Variants in SYT2 observed in about 807,000 individuals in gnomAD.
SYT2 encodes the protein synaptotagmin-2.
SYT2 carries 15 observed loss-of-function variants against 39.9 expected under a neutral mutation model. The observed-to-expected ratio is 0.38, with a 90% CI of 0.25 to 0.58. The LOEUF is 0.58. SYT2 is among the 20% of genes least tolerant of loss of function. The pLI is 0.70. For synonymous variants in SYT2, 181 were observed against 204.5 expected (o/e 0.89, Z 0.98); for missense variants, 389 against 530.3 (o/e 0.73, Z 2.62).
intron 1 of SYT2, among the ~76,000 whole-genome samples, chr1:202,615,452 A>T (rs1375530547): frequency 6.6e-6 from 1 of 152,072 alleles, no homozygotes; most frequent in Admixed American, 6.5e-5. Flanking sequence ...CTGCAAACTC[A>T]TCAACCACCC....
At chr1:202,707,631 C>T (rs1439128946) in intron 1 of SYT2, among the ~76,000 whole-genome samples, 1 of 152,212 alleles carries the variant, frequency 6.6e-6, no homozygotes, top group Non-Finnish European at 1.5e-5. Context: ...TGAAGCCCAA[C>T]CTCCTCCCAC....
chr1:202,667,651 G>C (rs1367061774), intron 1 of SYT2, among the ~76,000 whole-genome samples: 2 of 152,120 alleles, frequency 1.3e-5, no homozygotes, highest in Admixed American at 1.3e-4. Context: ...AGTCCCATGA[G>C]AGTAATGGAC....
chr1:202,611,973 C>A (rs1459075066), intron 1 of SYT2, among the ~76,000 whole-genome samples: 1 of 152,012 alleles, frequency 6.6e-6, no homozygotes, highest in African/African-American at 2.4e-5. Flanking sequence ...GCCTCAGCCT[C>A]CCGAGTAGCT....
chr1:202,671,497 T>C lies in SYT2; in HGVS notation c.-18+38761A>G, dbSNP rs143247972. ...TGTCAAAGACAAGCTAGTGAGGAAA[T>C]GCTGGGCCCAAATCTAGAAGACAAC... On this transcript the variant is annotated intron_variant, in intron 1 of 8. Transcript: ENST00000367268. Among the ~76,000 whole-genome samples the C allele has an allele frequency of 3.2e-3, 489 of 152,296 alleles. 3 individuals carry two copies. The highest frequency in any genetic ancestry group is 0.011 in the African/African-American group (455 of 41,550).
chr1:202,707,432 T>C (rs1001443972), intron 1 of SYT2, among the ~76,000 whole-genome samples: 4 of 152,056 alleles, frequency 2.6e-5, no homozygotes, highest in Non-Finnish European at 4.4e-5. Flanking sequence ...TTAAAGAGTA[T>C]CCCCACCACC....
intron 1 of SYT2, among the ~76,000 whole-genome samples, chr1:202,707,815 G>C (rs947062135): frequency 6.6e-6 from 1 of 152,202 alleles, no homozygotes; most frequent in Admixed American, 6.5e-5. Context: ...CTTGCCTAGG[G>C]GCTGGGGAAC....
chr1:202,619,161 C>T (rs944173068), intron 1 of SYT2, among the ~76,000 whole-genome samples: 7 of 152,196 alleles, frequency 4.6e-5, no homozygotes, highest in Non-Finnish European at 8.8e-5. Context: ...GCCAAATTAT[C>T]GGGAACTCAC....
chr1:202,603,641 A>ACTC (rs1321397199), intron 3 of SYT2, among the ~76,000 whole-genome samples: 1 of 151,700 alleles, frequency 6.6e-6, no homozygotes, highest in Non-Finnish European at 1.5e-5. Flanking sequence ...CACCACAGCC[A>ACTC]CTCCTCAAGA....
intron 1 of SYT2, among the ~76,000 whole-genome samples, chr1:202,688,504 A>T (rs1653732831): frequency 6.6e-6 from 1 of 152,236 alleles, no homozygotes; most frequent in African/African-American, 2.4e-5. Context: ...TATCAAGTGG[A>T]GAAATGTGTC....
chr1:202,611,981 G>A (rs1401231353), intron 1 of SYT2, among the ~76,000 whole-genome samples: 2 of 152,116 alleles, frequency 1.3e-5, no homozygotes, highest in African/African-American at 2.4e-5. Context: ...CTCCCGAGTA[G>A]CTAGGACTAC....
chr1:202,645,523 T>C (rs1692062647), intron 1 of SYT2, among the ~76,000 whole-genome samples: 1 of 152,198 alleles, frequency 6.6e-6, no homozygotes, highest in Non-Finnish European at 1.5e-5. Context: ...GATTGGAATG[T>C]AGTGCTGCTT....
chr1:202,613,067 C>CTTTTTTTTTTTTTTTTTT (rs1690930669), intron 1 of SYT2, among the ~76,000 whole-genome samples: 4 of 121,604 alleles, frequency 3.3e-5, no homozygotes, highest in Non-Finnish European at 1.7e-5. Flanking sequence ...ATTGGTTCTT[C>CTTTTTTTTTTTTTTTTTT]CTTTTTTTTT....
intron 1 of SYT2, among the ~76,000 whole-genome samples, chr1:202,708,235 C>T (rs1199575082): frequency 6.6e-6 from 1 of 152,050 alleles, no homozygotes; most frequent in African/African-American, 2.4e-5. Flanking sequence ...TCACCCCCTT[C>T]CCCCAAAAGA....
At chr1:202,655,838 G>T (rs1228241999) in intron 1 of SYT2, among the ~76,000 whole-genome samples, 1 of 152,092 alleles carries the variant, frequency 6.6e-6, no homozygotes, top group Non-Finnish European at 1.5e-5. Context: ...TCCTCCCACT[G>T]GTCCAGGGCT....
chr1:202,629,551 A>G (rs1691512933), intron 1 of SYT2, among the ~76,000 whole-genome samples: 1 of 152,138 alleles, frequency 6.6e-6, no homozygotes, highest in Admixed American at 6.6e-5. Flanking sequence ...CATCCTATAG[A>G]TGACAACACT....
intron 1 of SYT2, among the ~76,000 whole-genome samples, chr1:202,629,863 CT>C: frequency 4.9e-5 from 1 of 20,310 alleles, no homozygotes; most frequent in African/African-American, 1.7e-4. Context: ...CAGCAGGCAG[CT>C]GGTGGGGGGG....
chr1:202,636,527 G>T (rs561026470), intron 1 of SYT2: 11 of 433,416 alleles, frequency 2.5e-5, no homozygotes, highest in African/African-American at 2.1e-4. Context: ...GACCACTGAG[G>T]TCCAAGAGAT....
chr1:202,684,289 C>T (rs779681881), intron 1 of SYT2, among the ~76,000 whole-genome samples: 5 of 152,016 alleles, frequency 3.3e-5, no homozygotes, highest in Non-Finnish European at 5.9e-5. Flanking sequence ...GTACCTTTGA[C>T]CTCCTTCTCC....
chr1:202,698,443 C>A (rs1477276912), intron 1 of SYT2, among the ~76,000 whole-genome samples: 2 of 152,194 alleles, frequency 1.3e-5, no homozygotes, highest in Admixed American at 1.3e-4. Flanking sequence ...CCTCCCCGCC[C>A]TCCGCTTCAC....
Sources: allele counts gnomAD v4.1 joint callset (sites outside exome capture counted in the v4.1 genomes callset), GRCh38; gene constraint gnomAD v4.1.1; transcripts MANE v1.5; gene names NCBI Gene and HGNC (gene_info 2026-07-23, HGNC 2026-07-21).